SPG11: variants seen among roughly 807,000 people sequenced by gnomAD.
SPG11 encodes the protein SPG11 vesicle trafficking associated, spatacsin.
In SPG11, 222 loss-of-function variants were observed where a neutral mutation model predicts 274.0. The ratio of observed to expected loss-of-function variants is 0.81; its 90% CI spans 0.73 to 0.91. The LOEUF (loss-of-function observed/expected upper bound fraction) is 0.91, where lower values mean the gene tolerates loss of function less well. SPG11 is among the 40% of genes least tolerant of loss of function. SPG11 has a pLI of 0.00. For synonymous variants in SPG11, 1,144 were observed against 1,039.7 expected (o/e 1.10, Z -1.93); for missense variants, 3,114 against 2,872.7 (o/e 1.08, Z -1.92).
At chr15:44,628,992 T>TA (rs2083981486) in intron 9 of SPG11, 148 bp from the exon 10 acceptor site, 1 of 892,422 alleles carries the variant, frequency 1.1e-6, no homozygotes, top group African/African-American at 1.7e-5. Flanking sequence ...TTTTTACAAG[T>TA]AAGTAGCTCT....
Position 44,616,653 on chromosome 15 carries a change from A to G in SPG11, c.2835-1087T>C, listed in dbSNP as rs1331857335. Among the ~76,000 whole-genome samples, 3 of 152,242 alleles carry G rather than the reference A, an allele frequency of 2.0e-5. No homozygotes were observed. In the East Asian group the frequency reaches 5.8e-4, roughly 29 times the overall value. On this transcript the variant is annotated intron_variant, in intron 15 of 39. Coordinates refer to ENST00000261866, the MANE Select transcript of SPG11 (RefSeq NM_025137.4). ...AACATTGTGTGATTTATCCATGTTG[A>G]TACCTCTGGGTATAATTTGTTATTT...
Position 44,658,749 on chromosome 15 carries a change from G to A in SPG11, c.667+330C>T, listed in dbSNP as rs180692397. The stretch of plus-strand genomic sequence containing the variant: ...GCTGGGATTACAGGCGTGAGCCACC[G>A]CACCTGGCCACATAAGCACATAGTA... On this transcript the variant is annotated intron_variant, in intron 3 of 39. Transcript: ENST00000261866. Among the ~76,000 whole-genome samples, 18 of 152,110 alleles carry A rather than the reference G, an allele frequency of 1.2e-4. No homozygotes were observed. The East Asian group carries it at 1.5e-3, about 13-fold the overall frequency.
intron 7 of SPG11, among the ~76,000 whole-genome samples, chr15:44,641,867 T>C (rs928607194): frequency 6.7e-6 from 1 of 148,590 alleles, no homozygotes; most frequent in African/African-American, 2.5e-5. Context: ...AGAGACGCTC[T>C]TGCCCATGTG....
At chr15:44,621,221 C>G (rs1213024651) in intron 14 of SPG11, 1 of 153,562 alleles carries the variant, frequency 6.5e-6, no homozygotes, top group African/African-American at 2.4e-5. Flanking sequence ...ATGAAACTTA[C>G]GTATTAGCTG....
At position 44,651,584 on chromosome 15, in the gene SPG11, A is replaced by G; in HGVS notation, c.1363T>C (p.Leu455=). 2 of 1,614,222 alleles carry G rather than the reference A, an allele frequency of 1.2e-6. No individual in the cohort carries two copies. The highest frequency in any genetic ancestry group is 1.7e-6 in the Non-Finnish European group (2 of 1,180,026). ...RMGYTITLWD[L]ETQGMQCFSL... ...AAACACTGCATGCCCTGGGTCTCCAAATCCCAGAGGGTAATGGTATAGCCC... is the reference window on the plus strand; with the variant it reads ...AAACACTGCATGCCCTGGGTCTCCAGATCCCAGAGGGTAATGGTATAGCCC... Residue 455 remains leucine (L), a synonymous_variant, in exon 6 of 40, where the codon TTG becomes CTG. Transcript: ENST00000261866.
rs1555447432 is a variant in SPG11 at position 44,572,682 on chromosome 15, C to A, written c.6343+1G>T. The A allele has an allele frequency of 1.2e-6, 2 of 1,614,134 alleles. No individual in the cohort carries two copies. The highest frequency in any genetic ancestry group is 1.7e-6 in the Non-Finnish European group (2 of 1,180,006). On this transcript the variant is annotated splice_donor_variant, in intron 33 of 39. Coordinates refer to ENST00000261866, the MANE Select transcript of SPG11 (RefSeq NM_025137.4). LOFTEE classifies it high-confidence loss of function. ...ATGTAAGAAAAAGGTCAATAACTTA[C>A]TGCAAGACAGTTCCCCATGGGGAAC...
intron 9 of SPG11, among the ~76,000 whole-genome samples, 188 bp from the exon 10 acceptor site, chr15:44,629,032 G>A (rs1444948703): frequency 6.6e-6 from 1 of 152,004 alleles, no homozygotes; most frequent in African/African-American, 2.4e-5. Context: ...TCCTTTTCTT[G>A]TCCTTCATGA....
At chr15:44,591,651 T>C (rs544215975) in intron 27 of SPG11, among the ~76,000 whole-genome samples, 11 of 152,312 alleles carry the variant, frequency 7.2e-5, no homozygotes, top group African/African-American at 2.2e-4. Context: ...TATTTTCAAA[T>C]ATATAACTTT....
intron 7 of SPG11, among the ~76,000 whole-genome samples, chr15:44,647,007 T>C (rs1453337200): frequency 6.6e-6 from 1 of 152,026 alleles, no homozygotes; most frequent in Non-Finnish European, 1.5e-5. Context: ...AAAGGTGAAA[T>C]AACAACCCAA....
At chr15:44,625,418 G>A (rs1057408273) in intron 11 of SPG11, among the ~76,000 whole-genome samples, 2 of 152,020 alleles carry the variant, frequency 1.3e-5, no homozygotes, top group African/African-American at 4.8e-5. Flanking sequence ...TCATGGGGGC[G>A]GATTTCCCCC....
intron 21 of SPG11, among the ~76,000 whole-genome samples, chr15:44,600,002 C>T (rs1442403812): frequency 1.3e-5 from 2 of 152,144 alleles, no homozygotes; most frequent in South Asian, 2.1e-4. Flanking sequence ...TAACGTTCTC[C>T]CTCCCTTAGA....
At chr15:44,583,688 A>C (rs2082698907) in intron 30 of SPG11, 126 bp downstream of exon 30, 1 of 1,185,274 alleles carries the variant, frequency 8.4e-7, no homozygotes, top group Non-Finnish European at 1.2e-6. Context: ...TCTACAGATT[A>C]CCTGGAAAAA....
In SPG11 at chr15:44,621,611, T is replaced by C. The variant is rs562647594; in HGVS notation, c.2620+148A>G. The C allele has an allele frequency of 1.3e-3, 1,036 of 772,960 alleles. 1 individual carries two copies. The highest frequency in any genetic ancestry group is 1.9e-3 in the Non-Finnish European group (882 of 463,742). 47.9% of individuals were successfully genotyped at this position (772,960 alleles called of 1,614,324 possible). A position where few individuals can be genotyped will look rare whatever the true frequency, so the allele number is the denominator to read the frequency against. ...CAGAAACTCTGAGATAAGAAAGAGA[T>C]CTTAATGCAACGACTTGCATTTTAA... On this transcript the variant is annotated intron_variant, in intron 14 of 39. Transcript: ENST00000261866.
At chr15:44,653,270 A>AT in intron 4 of SPG11, among the ~76,000 whole-genome samples, 1 of 152,242 alleles carries the variant, frequency 6.6e-6, no homozygotes, top group East Asian at 1.9e-4. Flanking sequence ...AAGGGGAAGG[A>AT]TTTTATCTCT....
At position 44,626,357 on chromosome 15, in the gene SPG11, C is replaced by T; in HGVS notation, c.2218G>A (p.Glu740Lys). The change falls in exon 11 of 40, where the codon GAA becomes AAA. Residue 740 changes from glutamate (E) to lysine (K), a missense_variant. Physicochemically the swap from Glu to Lys is moderately conservative, Grantham distance 56 (BLOSUM62 1). Transcript: ENST00000261866. ...ATATTCTTCAAAAGTTCAGAGGCTTCCTTTATATTGTTCTTTTTTAAATTG... is the reference window on the plus strand; with the variant it reads ...ATATTCTTCAAAAGTTCAGAGGCTTTCTTTATATTGTTCTTTTTTAAATTG... ...FDNLKKNNIK[E>K]ASELLKNMGF... 1 of 1,612,972 alleles carries T rather than the reference C, an allele frequency of 6.2e-7. No homozygotes were observed. The highest frequency in any genetic ancestry group is 2.2e-5 in the East Asian group (1 of 44,808).
intron 20 of SPG11, chr15:44,604,000 C>T (rs2083259063): frequency 4.8e-6 from 1 of 206,386 alleles, no homozygotes; most frequent in South Asian, 5.6e-5. Flanking sequence ...AATAGTCACT[C>T]CTGTCACGTA....
chr15:44,571,084 A>G (rs1335572661), intron 33 of SPG11, among the ~76,000 whole-genome samples: 3 of 152,190 alleles, frequency 2.0e-5, no homozygotes, highest in African/African-American at 7.2e-5. Context: ...TAGAGTAGTG[A>G]AAGTCTGACA....
Position 44,596,364 on chromosome 15 carries a change from C to T in SPG11, c.4162-9G>A. 1 of 1,613,940 alleles carries T rather than the reference C, an allele frequency of 6.2e-7. No homozygotes were observed. The highest frequency in any genetic ancestry group is 1.3e-5 in the African/African-American group (1 of 74,998). On this transcript the variant is annotated splice_polypyrimidine_tract_variant and intron_variant, in intron 24 of 39. Transcript: ENST00000261866. Reference sequence around the variant, plus strand: ...TGGATAAGGGATTTCACCTAGAAGGCATATCAGATGATTAAACAGAAACCC... The same window carrying T: ...TGGATAAGGGATTTCACCTAGAAGGTATATCAGATGATTAAACAGAAACCC...
At chr15:44,647,175 C>T in intron 7 of SPG11, among the ~76,000 whole-genome samples, 1 of 152,082 alleles carries the variant, frequency 6.6e-6, no homozygotes, top group East Asian at 1.9e-4. Flanking sequence ...AAAACATGTT[C>T]AACATGTTTA....
Sources: allele counts gnomAD v4.1 joint callset (sites outside exome capture counted in the v4.1 genomes callset), GRCh38; gene constraint gnomAD v4.1.1; transcripts MANE v1.5; gene names NCBI Gene and HGNC (gene_info 2026-07-23, HGNC 2026-07-21).